Variants in COL20A1 observed in about 807,000 individuals in gnomAD.
The protein encoded by COL20A1 is collagen type XX alpha 1 chain, also known as collagen alpha-1(XX) chain.
Under a neutral mutation model 152.9 loss-of-function variants are expected in COL20A1, and 164 were observed. The observed-to-expected ratio is 1.07, with a 90% CI of 0.94 to 1.22. COL20A1 has a LOEUF of 1.22. Among genes scored for constraint, COL20A1 ranks in the 50% most tolerant of loss-of-function variants. The probability of loss-of-function intolerance (pLI) is 0.00; values close to 1 mark genes in which losing one functional copy is unlikely to be tolerated. For missense variants in COL20A1, 1,873 were observed against 1,744.8 expected (o/e 1.07, Z -1.31); for synonymous variants, 864 against 756.0 (o/e 1.14, Z -2.34).
intron 34 of COL20A1, 113 bp from the exon 35 acceptor site, chr20:63,329,472 C>A (rs2068303039): frequency 3.8e-6 from 3 of 790,996 alleles, no homozygotes; most frequent in South Asian, 3.0e-5. Flanking sequence ...CATCTAAGGA[C>A]CAGACCTGCT....
At position 63,319,479 on chromosome 20, in the gene COL20A1, C is replaced by T. The variant is rs868502294; in HGVS notation, c.2807-8C>T. 2.6e-6 allele frequency: 4 copies of T among 1,560,994 alleles called. No homozygotes were observed. Among genetic ancestry groups the T allele is most frequent in the Non-Finnish European group, 3.5e-6 (4 of 1,152,832 alleles). ...CCGTTCTCACCTGCTCCACCCCTTC[C>T]CTGGCAGCCGGGAAGAAGTCCCTGA... On this transcript the variant is annotated splice_polypyrimidine_tract_variant and splice_region_variant and intron_variant, in intron 22 of 35. Transcript: ENST00000358894. The surrounding 1 kb of genome is among the most constrained non-coding windows in gnomAD (Gnocchi z 4.4).
In COL20A1 at chr20:63,305,022, A is replaced by G. The variant is rs2067905656; in HGVS notation, c.194-395A>G. ...GGTCGGTCCGTGCAGCCCATAGGGT[A>G]GGAGCCTGTGGGAGTGGGCAGGGCC... On this transcript the variant is annotated intron_variant, in intron 3 of 35. Transcript: ENST00000358894. The surrounding 1 kb of genome is among the most constrained non-coding windows in gnomAD (Gnocchi z 4.9). 6.6e-6 allele frequency among the ~76,000 whole-genome samples: 1 copy of G among 152,158 alleles called. No homozygotes were observed. Among genetic ancestry groups the G allele is most frequent in the Non-Finnish European group, 1.5e-5 (1 of 68,032 alleles).
chr20:63,326,138 C>G lies in COL20A1; in HGVS notation c.3445C>G (p.Pro1149Ala). 1.2e-6 allele frequency: 2 copies of G among 1,612,372 alleles called. No homozygotes were observed. Among genetic ancestry groups the G allele is most frequent in the Non-Finnish European group, 1.7e-6 (2 of 1,179,456 alleles). The part of the protein sequence containing the change: ...LEGTAGLPGP[P>A]GPRGFQGMAG... Reference sequence around the variant, plus strand: ...GGGAACTGCTGGCCTGCCTGGACCCCCTGGCCCCAGGGTAGGCACCGACCT... The same window carrying G: ...GGGAACTGCTGGCCTGCCTGGACCCGCTGGCCCCAGGGTAGGCACCGACCT... The change falls in exon 30 of 36, where the codon CCT becomes GCT. Residue 1149 changes from proline to alanine, a missense_variant. By Grantham distance (27) the Pro-to-Ala change is conservative. Coordinates refer to ENST00000358894, the MANE Select transcript of COL20A1 (RefSeq NM_020882.4).
Position 63,313,606 on chromosome 20 carries a change from G to A in COL20A1, c.2210-137G>A. 2.4e-6 allele frequency: 2 copies of A among 844,668 alleles called. No homozygotes were observed. Among genetic ancestry groups the A allele is most frequent in the East Asian group, 5.4e-5 (2 of 36,718 alleles). The allele number at this position is 844,668 out of a possible 1,614,324, so 52.3% of individuals were successfully genotyped here. On this transcript the variant is annotated intron_variant, in intron 17 of 35. Transcript: ENST00000358894. The surrounding 1 kb of genome is among the most constrained non-coding windows in gnomAD (Gnocchi z 5.9). ...TGGTTGTGCCAGGGGGGTGATGCGG[G>A]CTGTGGTAGGGGTGTGGCATGATGT... is the stretch of plus-strand genomic sequence containing the variant.
At chr20:63,323,528 C>T (rs994403597) in intron 27 of COL20A1, among the ~76,000 whole-genome samples, 1 of 152,190 alleles carries the variant, frequency 6.6e-6, no homozygotes, top group East Asian at 1.9e-4. Context: ...TTTGTTACAG[C>T]ACTGGGGAGG....
intron 27 of COL20A1, chr20:63,324,676 T>C (rs2068217961): frequency 6.5e-6 from 1 of 153,034 alleles, no homozygotes; most frequent in African/African-American, 2.4e-5. Flanking sequence ...CCATGCCATG[T>C]GCTGCAGAGC....
Position 63,311,308 on chromosome 20 carries a change from C to T in COL20A1, c.1394-86C>T. The stretch of plus-strand genomic sequence containing the variant: ...GCACCTGCCAGGCGGTGGCCGTGCC[C>T]ACCCACTCTGGTGTGAGGGTGCCCC... On this transcript the variant is annotated intron_variant, in intron 11 of 35. Coordinates refer to ENST00000358894, the MANE Select transcript of COL20A1 (RefSeq NM_020882.4). The surrounding 1 kb of genome is among the most constrained non-coding windows in gnomAD (Gnocchi z 4.4). The T allele has an allele frequency of 7.2e-7, 1 of 1,396,444 alleles. No homozygotes were observed. The highest frequency in any genetic ancestry group is 1.4e-5 in the South Asian group (1 of 71,188). The allele number at this position is 1,396,444 out of a possible 1,614,324, so 86.5% of individuals were successfully genotyped here. A position where few individuals can be genotyped will look rare whatever the true frequency, so the allele number is the denominator to read the frequency against.
In COL20A1 at chr20:63,305,379, G is replaced by GCC. The variant is rs151066019; in HGVS notation, c.194-37_194-36insCC. 98,199 of 1,437,618 alleles carry GCC rather than the reference G, an allele frequency of 0.068. 3,786 individuals carry two copies. Among genetic ancestry groups the GCC allele is most frequent in the South Asian group, 0.096 (6,151 of 64,028 alleles). The allele number at this position is 1,437,618 out of a possible 1,614,324, so 89.1% of individuals were successfully genotyped here. ...CGCCGTGACAGATGCACACACGTGTGCACCTTGGCCTCTAAAGCTCTCCCC... is the reference window on the plus strand; with the variant it reads ...CGCCGTGACAGATGCACACACGTGTGCCCACCTTGGCCTCTAAAGCTCTCCCC... On this transcript the variant is annotated intron_variant, in intron 3 of 35. Transcript: ENST00000358894. The surrounding 1 kb of genome is among the most constrained non-coding windows in gnomAD (Gnocchi z 4.9).
Position 63,315,413 on chromosome 20 carries a change from C to A in COL20A1, c.2498C>A (p.Ala833Asp). 6.3e-7 allele frequency: 1 copy of A among 1,578,026 alleles called. No individual in the cohort carries two copies. Among genetic ancestry groups the A allele is most frequent in the South Asian group, 1.2e-5 (1 of 86,268 alleles). The change falls in exon 20 of 36, where the codon GCC (alanine) becomes GAC (aspartate). Residue 833 changes from alanine to aspartate, a missense_variant. Physicochemically the swap from Ala to Asp is moderately radical, Grantham distance 126. Transcript: ENST00000358894. ...VSATGQTACP[A>D]LRPDGSLPGF... ...TGTCTCCTCTCAGCAGCCTGCCCAG[C>A]CCTCCGCCCTGACGGCTCCCTCCCA...
At position 63,321,087 on chromosome 20, in the gene COL20A1, T is replaced by C. The variant is rs767260396; in HGVS notation, c.3228T>C (p.Pro1076=). 8 of 1,597,494 alleles carry C rather than the reference T, an allele frequency of 5.0e-6. No homozygotes were observed. Among genetic ancestry groups the C allele is most frequent in the Non-Finnish European group, 6.8e-6 (8 of 1,172,336 alleles). The stretch of plus-strand genomic sequence containing the variant: ...CAGAGACCCCTGGGCCCCCAGGACC[T>C]CAAGGACCCCCAGTGAGTCCAGTGG... ...CSSETPGPPG[P]QGPPGLPGRN... is the part of the protein sequence containing the mutation. Residue 1076 remains proline (P), a synonymous_variant, in exon 26 of 36, where the codon CCT becomes CCC. Transcript: ENST00000358894.
Position 63,312,055 on chromosome 20 carries a change from G to T in COL20A1, c.1803G>T (p.Gln601His). The change falls in exon 14 of 36, where the codon CAG (glutamine) becomes CAT (histidine). Residue 601 changes from glutamine (Q) to histidine (H), a missense_variant and splice_region_variant. Gln to His is a conservative substitution (Grantham distance 24, BLOSUM62 0). Transcript: ENST00000358894. ...CCAGCGAGGGTGGACACTCGGGGCA[G>T]GTGAGAGCAGAGCCCTCCGGGGGCC... ...YVSSEGGHSG[Q>H]TEAPGNATSA... 1 of 1,567,446 alleles carries T rather than the reference G, an allele frequency of 6.4e-7. No individual in the cohort carries two copies.
intron 21 of COL20A1, among the ~76,000 whole-genome samples, chr20:63,316,898 GCA>G (rs2068092222): frequency 6.6e-6 from 1 of 152,230 alleles, no homozygotes; most frequent in African/African-American, 2.4e-5. Flanking sequence ...ATCTCCATGG[GCA>G]GAGTGAGGCC....
At position 63,325,451 on chromosome 20, in the gene COL20A1, G is replaced by C. The variant is rs1385217825; in HGVS notation, c.3305G>C (p.Gly1102Ala). The change falls in exon 28 of 36, where the codon GGG (glycine) becomes GCG (alanine). Residue 1102 changes from glycine (G) to alanine (A), a missense_variant. Gly to Ala is a moderately conservative substitution (Grantham distance 60). Transcript: ENST00000358894. ...ATCTTCCCCCTCCAGGGTCCACCAG[G>C]GGTCAAAGGAGAGAAGGGAGACCAT... Reference protein sequence around the residue: ...QGFPGPRGPPGVKGEKGDHGL... With the variant: ...QGFPGPRGPPAVKGEKGDHGL... The C allele has an allele frequency of 2.5e-6, 4 of 1,612,812 alleles. No individual in the cohort carries two copies. The East Asian group carries it at 6.7e-5, about 27-fold the overall frequency.
In COL20A1 at chr20:63,312,534, G is replaced by T; in HGVS notation, c.1918G>T (p.Gly640Cys). ...YPGGGSSTLT[G>C]RVTTKKAPSP... ...TGGGGGTGGCTCCTCTACGCTGACT[G>T]GCCGGGTGACCACCAGTGAGTGGGG... Residue 640 changes from glycine to cysteine, a missense_variant, in exon 15 of 36, where the codon GGC (glycine) becomes TGC (cysteine). Coordinates refer to ENST00000358894, the MANE Select transcript of COL20A1 (RefSeq NM_020882.4). 1 of 1,590,524 alleles carries T rather than the reference G, an allele frequency of 6.3e-7. No individual in the cohort carries two copies. The highest frequency in any genetic ancestry group is 1.8e-5 in the Admixed American group (1 of 56,810).
Position 63,326,815 on chromosome 20 carries a change from G to C in COL20A1, c.3520G>C (p.Gly1174Arg). 1 of 1,501,182 alleles carries C rather than the reference G, an allele frequency of 6.7e-7. No homozygotes were observed. Among genetic ancestry groups the C allele is most frequent in the Non-Finnish European group, 8.8e-7 (1 of 1,137,018 alleles). 93.0% of individuals were successfully genotyped at this position (1,501,182 alleles called of 1,614,324 possible). ...AGAGCGAGGACCTCCAGGGACCGTG[G>C]GGCCCACAGTAAGTGCATTTCCAAC... Reference protein sequence around the residue: ...SGERGPPGTVGPTGLPGPKGE... With the variant: ...SGERGPPGTVRPTGLPGPKGE... The change falls in exon 31 of 36, where the codon GGG (glycine) becomes CGG (arginine). Residue 1174 changes from glycine to arginine, a missense_variant. Gly to Arg is a moderately radical substitution (Grantham distance 125). Transcript: ENST00000358894.
At position 63,334,132 on chromosome 20, in the gene COL20A1, G is replaced by A. The variant is rs1006072494; in HGVS notation, c.*3416G>A. 1 of 152,140 alleles carries A rather than the reference G, an allele frequency of 6.6e-6. No individual in the cohort carries two copies. Among genetic ancestry groups the A allele is most frequent in the Non-Finnish European group, 1.5e-5 (1 of 68,048 alleles). The allele number at this position is 152,140 out of a possible 1,614,324, so 9.4% of individuals were successfully genotyped here. A position where few individuals can be genotyped will look rare whatever the true frequency, so the allele number is the denominator to read the frequency against. On this transcript the variant is annotated 3_prime_UTR_variant, in exon 36 of 36. Coordinates refer to ENST00000358894, the MANE Select transcript of COL20A1 (RefSeq NM_020882.4). Reference sequence around the variant, plus strand: ...AATATCCACACACTAACCATGAACTGGGCCATAAGAAACCTTACATTCCAA... The same window carrying A: ...AATATCCACACACTAACCATGAACTAGGCCATAAGAAACCTTACATTCCAA...
intron 27 of COL20A1, among the ~76,000 whole-genome samples, chr20:63,323,318 T>G (rs563771767): frequency 6.6e-6 from 1 of 152,396 alleles, no homozygotes; most frequent in East Asian, 1.9e-4. Context: ...TGACCTTGTT[T>G]GCGACGTGCG....
At chr20:63,308,393 G>GACCCTCC (rs2067958156) in intron 7 of COL20A1, 149 bp from the exon 8 acceptor site, 1 of 827,818 alleles carries the variant, frequency 1.2e-6, no homozygotes, top group Admixed American at 2.9e-5. Flanking sequence ...TCAACAGGTA[G>GACCCTCC]ACCCTCCCTG....
At position 63,312,452 on chromosome 20, in the gene COL20A1, G is replaced by A. The variant is rs377213715; in HGVS notation, c.1836G>A (p.Thr612=). ...CTCCTGGGAACGCCACCTCGGCCACGCTGGGGCCTCTCTCTTCCTCCACCA... is the reference window on the plus strand; with the variant it reads ...CTCCTGGGAACGCCACCTCGGCCACACTGGGGCCTCTCTCTTCCTCCACCA... ...TEAPGNATSA[T]LGPLSSSTTY... The change falls in exon 15 of 36, where the codon ACG becomes ACA. Residue 612 remains threonine, a synonymous_variant. Transcript: ENST00000358894. 11 of 1,605,148 alleles carry A rather than the reference G, an allele frequency of 6.9e-6. No individual in the cohort carries two copies. The highest frequency in any genetic ancestry group is 4.5e-5 in the East Asian group (2 of 44,708).
Sources: gnomAD v4.1 joint callset for allele counts (sites outside exome capture counted in the v4.1 genomes callset) on GRCh38, gnomAD v4.1.1 for gene constraint, Gnocchi (gnomAD v3.1) non-coding constraint, MANE v1.5 for transcripts, NCBI Gene and HGNC (gene_info 2026-07-23, HGNC 2026-07-21) for gene names.